The following ENPP2 variants were observed in gnomAD, a reference collection of about 807,000 sequenced individuals.
ENPP2 encodes the protein autotaxin.
In ENPP2, 51 loss-of-function variants were observed where a neutral mutation model predicts 120.2. The ratio of observed to expected loss-of-function variants is 0.42; its 90% CI spans 0.34 to 0.54. ENPP2 has a LOEUF of 0.54. Ranked by LOEUF, ENPP2 falls within the 20% of genes least tolerant of loss-of-function variation. The probability of loss-of-function intolerance (pLI) is 0.04; values close to 1 mark genes in which losing one functional copy is unlikely to be tolerated. For missense variants in ENPP2, 920 were observed against 1,066.5 expected (o/e 0.86, Z 1.91); for synonymous variants, 365 against 366.4 (o/e 1.00, Z 0.04).
intron 2 of ENPP2, among the ~76,000 whole-genome samples, chr8:119,634,553 C>T (rs1290132364): frequency 1.3e-5 from 2 of 151,552 alleles, no homozygotes; most frequent in African/African-American, 4.8e-5. Context: ...TTTTCAAAAA[C>T]TTTTTCAGAT....
chr8:119,652,953 T>C (rs750415668), intron 1 of ENPP2, among the ~76,000 whole-genome samples: 6 of 152,222 alleles, frequency 3.9e-5, no homozygotes, highest in Non-Finnish European at 7.3e-5. Flanking sequence ...ACAGCAATTC[T>C]TGTAAAAGAA....
intron 2 of ENPP2, among the ~76,000 whole-genome samples, chr8:119,637,348 G>C (rs995275190): frequency 6.6e-6 from 1 of 152,034 alleles, no homozygotes; most frequent in Non-Finnish European, 1.5e-5. Flanking sequence ...TCTTAACCCC[G>C]CCACACCCCA....
chr8:119,562,903 G>A lies in ENPP2; in HGVS notation c.2375C>T (p.Ser792Phe), dbSNP rs759533428. ...AGGCCGGTGAGGCAGGATGAAGGAG[G>A]ACACAGAGAGAGGGCCGTCACACTT... ...ADKCDGPLSV[S>F]SFILPHRPDN... The change falls in exon 24 of 25, where the codon TCC (serine) becomes TTC (phenylalanine). Residue 792 changes from serine to phenylalanine, a missense_variant. Coordinates refer to ENST00000075322, the MANE Select transcript of ENPP2 (RefSeq NM_001040092.3). The A allele has an allele frequency of 6.2e-7, 1 of 1,614,172 alleles. No homozygotes were observed. Among genetic ancestry groups the A allele is most frequent in the East Asian group, 2.2e-5 (1 of 44,886 alleles).
At chr8:119,633,153 G>T (rs1444499593) in intron 2 of ENPP2, among the ~76,000 whole-genome samples, 1 of 152,208 alleles carries the variant, frequency 6.6e-6, no homozygotes, top group Admixed American at 6.5e-5. Context: ...CCTAACCGAT[G>T]ACAAAAGTTA....
chr8:119,663,129 AAAAAAAAGAAAGAAAG>A (rs1467033354), intron 1 of ENPP2, among the ~76,000 whole-genome samples: 5 of 151,786 alleles, frequency 3.3e-5, no homozygotes, highest in African/African-American at 1.2e-4. Context: ...CAAAAAAAAA[AAAAAAAAGAAAGAAAG>A]AAAAAAGAAA....
Position 119,593,787 on chromosome 8 carries a change from T to G in ENPP2, c.1046A>C (p.His349Pro). 6.2e-7 allele frequency: 1 copy of G among 1,613,028 alleles called. No individual in the cohort carries two copies. Among genetic ancestry groups the G allele is most frequent in the Non-Finnish European group, 8.5e-7 (1 of 1,178,980 alleles). The change falls in exon 12 of 25, where the codon CAT becomes CCT. Residue 349 changes from histidine to proline, a missense_variant. Physicochemically the swap from His to Pro is moderately conservative, Grantham distance 77. Coordinates refer to ENST00000075322, the MANE Select transcript of ENPP2 (RefSeq NM_001040092.3). Reference sequence around the variant, plus strand: ...GACAAAGATGACGTTGACACACCGATGCAGTTTTAGTTGTTTCAGTCCATC... The same window carrying G: ...GACAAAGATGACGTTGACACACCGAGGCAGTTTTAGTTGTTTCAGTCCATC... Reference protein sequence around the residue: ...LMDGLKQLKLHRCVNVIFVGD... With the variant: ...LMDGLKQLKLPRCVNVIFVGD...
upstream of ENPP2, among the ~76,000 whole-genome samples, chr8:119,643,603 T>C (rs56940377): frequency 2.3e-3 from 344 of 152,356 alleles, no homozygotes; most frequent in African/African-American, 7.9e-3. Context: ...CTGCCCTGTA[T>C]GAATGTTGCA....
intron 8 of ENPP2, among the ~76,000 whole-genome samples, 157 bp from the exon 9 acceptor site, chr8:119,608,134 T>C (rs765415203): frequency 6.6e-6 from 1 of 152,248 alleles, no homozygotes; most frequent in African/African-American, 2.4e-5. Flanking sequence ...CATCTGGAAG[T>C]CAGAATCATT....
At chr8:119,596,343 A>G (rs1242748888) in intron 11 of ENPP2, among the ~76,000 whole-genome samples, 1 of 152,212 alleles carries the variant, frequency 6.6e-6, no homozygotes, top group African/African-American at 2.4e-5. Flanking sequence ...TTAGGGAGAG[A>G]CTGGTCTTTG....
At chr8:119,566,221 G>A (rs946991167) in intron 22 of ENPP2, among the ~76,000 whole-genome samples, 6 of 152,142 alleles carry the variant, frequency 3.9e-5, no homozygotes, top group Non-Finnish European at 8.8e-5. Flanking sequence ...CCAACCAGAG[G>A]GGCAGAATGG....
intron 1 of ENPP2, among the ~76,000 whole-genome samples, chr8:119,653,369 C>G: frequency 6.6e-6 from 1 of 152,142 alleles, no homozygotes; most frequent in Admixed American, 6.5e-5. Flanking sequence ...AGCTGATAAA[C>G]GATAAAGAAA....
At chr8:119,673,337 G>A in exon 1 of ENPP2, 2 of 1,529,506 alleles carry the variant, frequency 1.3e-6, no homozygotes, top group Non-Finnish European at 1.8e-6. Flanking sequence ...CTGCAGCCCC[G>A]CGACCTGGGA....
intron 11 of ENPP2, among the ~76,000 whole-genome samples, chr8:119,597,637 A>G (rs1813991457): frequency 6.6e-6 from 1 of 152,206 alleles, no homozygotes; most frequent in African/African-American, 2.4e-5. Flanking sequence ...TAGCCAGCCA[A>G]AGCTCTGCCT....
intron 1 of ENPP2, among the ~76,000 whole-genome samples, chr8:119,664,856 G>C (rs562413784): frequency 6.6e-6 from 1 of 152,118 alleles, no homozygotes. Flanking sequence ...CAGGAGAATC[G>C]CTTAAACCTA....
intron 1 of ENPP2, among the ~76,000 whole-genome samples, chr8:119,653,501 G>A (rs1163801956): frequency 1.3e-5 from 2 of 152,208 alleles, no homozygotes; most frequent in Non-Finnish European, 2.9e-5. Context: ...TGAGGGGGAA[G>A]CCAGGTGTCT....
intron 1 of ENPP2, among the ~76,000 whole-genome samples, chr8:119,648,550 T>TGTTTC (rs1817538693): frequency 1.3e-5 from 2 of 152,314 alleles, no homozygotes; most frequent in Admixed American, 6.5e-5. Flanking sequence ...TCAATGAATG[T>TGTTTC]GTTTCGATTC....
chr8:119,650,329 T>C (rs888143549), intron 1 of ENPP2, among the ~76,000 whole-genome samples: 1 of 152,142 alleles, frequency 6.6e-6, no homozygotes, highest in South Asian at 2.1e-4. Context: ...TGTCAGATGA[T>C]GGGGTATTGA....
chr8:119,579,982 G>A (rs1812617637), intron 19 of ENPP2, 134 bp downstream of exon 19: 2 of 722,478 alleles, frequency 2.8e-6, no homozygotes. Flanking sequence ...TGCCAGATAG[G>A]TATGAAAGTC....
At chr8:119,649,892 GT>G (rs1817579622) in intron 1 of ENPP2, among the ~76,000 whole-genome samples, 1 of 152,190 alleles carries the variant, frequency 6.6e-6, no homozygotes. Flanking sequence ...TTAAAAGATA[GT>G]TAATACAAAC....
Sources: allele counts gnomAD v4.1 joint callset (sites outside exome capture counted in the v4.1 genomes callset), GRCh38; gene constraint gnomAD v4.1.1; transcripts MANE v1.5; gene names NCBI Gene and HGNC (gene_info 2026-07-23, HGNC 2026-07-21).